Variants in PTPN11 observed in about 807,000 individuals in gnomAD.
PTPN11 encodes the protein tyrosine-protein phosphatase non-receptor type 11.
Under a neutral mutation model 78.8 loss-of-function variants are expected in PTPN11, and 6 were observed. The observed-to-expected ratio is 0.08, with a 90% CI of 0.04 to 0.15. The LOEUF is 0.15. Among genes scored for constraint, PTPN11 ranks in the 10% least tolerant of loss-of-function variants. The pLI, the probability that PTPN11 is intolerant of heterozygous loss-of-function variation, is 1.00. For missense variants in PTPN11, 386 were observed against 744.8 expected, an observed-to-expected ratio of 0.52 and a Z score of 5.61; for synonymous variants, 221 against 263.5, an observed-to-expected ratio of 0.84 and a Z score of 1.56.
chr12:112,469,508 TTC>T (rs1374067572), intron 6 of PTPN11, among the ~76,000 whole-genome samples: 1 of 152,172 alleles, frequency 6.6e-6, no homozygotes, highest in Non-Finnish European at 1.5e-5. Flanking sequence ...TAAGGGCAAT[TTC>T]TTTTTTCTTT....
chr12:112,423,604 G>C (rs974795309), intron 1 of PTPN11, among the ~76,000 whole-genome samples: 4 of 151,884 alleles, frequency 2.6e-5, no homozygotes, highest in Admixed American at 2.0e-4. Context: ...AAATGTATTG[G>C]TATAGAATAT....
chr12:112,457,195 A>T, intron 6 of PTPN11: 1 of 380,128 alleles, frequency 2.6e-6, no homozygotes, highest in Non-Finnish European at 5.2e-6. Context: ...GACCACTTGA[A>T]TCCAGGAGTT....
chr12:112,499,816 G>C (rs2038854454), intron 13 of PTPN11, among the ~76,000 whole-genome samples: 1 of 151,818 alleles, frequency 6.6e-6, no homozygotes, highest in African/African-American at 2.4e-5. Context: ...GCTGAGTGTG[G>C]CATGTTCCTG....
At position 112,443,601 on chromosome 12, in the gene PTPN11, G is replaced by A. The variant is rs1338812107; in HGVS notation, c.15-2675G>A. ...GAACTCCTGACCTCATGATCCGCCC[G>A]CCTTGGCCTCCCAAACTGTTGGGAT... On this transcript the variant is annotated intron_variant, in intron 1 of 15. Coordinates refer to ENST00000351677, the MANE Select transcript of PTPN11 (RefSeq NM_002834.5). Among the ~76,000 whole-genome samples the A allele has an allele frequency of 4.6e-5, 7 of 151,396 alleles. No individual in the cohort carries two copies. In the East Asian group the frequency reaches 1.2e-3, roughly 25 times the overall value.
chr12:112,474,906 C>T (rs1313500772), intron 7 of PTPN11, among the ~76,000 whole-genome samples: 2 of 152,036 alleles, frequency 1.3e-5, no homozygotes, highest in Non-Finnish European at 2.9e-5. Context: ...GTTGGGATTA[C>T]AGGTGTGAAC....
At chr12:112,441,409 A>G (rs2037888332) in intron 1 of PTPN11, among the ~76,000 whole-genome samples, 1 of 151,778 alleles carries the variant, frequency 6.6e-6, no homozygotes, top group African/African-American at 2.4e-5. Flanking sequence ...CTACAGGCAT[A>G]TGCCACCACA....
chr12:112,491,116 G>A (rs956610831), intron 13 of PTPN11, among the ~76,000 whole-genome samples: 1 of 152,150 alleles, frequency 6.6e-6, no homozygotes. Context: ...AGAAGAAACA[G>A]CACAAGGAAG....
chr12:112,441,119 C>G (rs557034693), intron 1 of PTPN11, among the ~76,000 whole-genome samples: 1 of 152,034 alleles, frequency 6.6e-6, no homozygotes, highest in South Asian at 2.1e-4. Flanking sequence ...CATGCGCCAC[C>G]ATGCCCGGCT....
chr12:112,491,496 A>T (rs780204338), intron 13 of PTPN11, among the ~76,000 whole-genome samples: 3 of 152,218 alleles, frequency 2.0e-5, no homozygotes, highest in Non-Finnish European at 4.4e-5. Flanking sequence ...TGAATAATCT[A>T]AGCCTACACA....
At chr12:112,471,672 A>C (rs1392852947) in intron 6 of PTPN11, among the ~76,000 whole-genome samples, 1 of 148,442 alleles carries the variant, frequency 6.7e-6, no homozygotes, top group Non-Finnish European at 1.5e-5. Flanking sequence ...ACACAGTGGG[A>C]AAAAAAAAAC....
chr12:112,483,345 T>C (rs570806454), intron 10 of PTPN11, among the ~76,000 whole-genome samples: 1 of 152,252 alleles, frequency 6.6e-6, no homozygotes, highest in South Asian at 2.1e-4. Flanking sequence ...TGTGCCACCA[T>C]GCCCACCCAA....
chr12:112,498,788 C>T (rs1302934880), intron 13 of PTPN11, among the ~76,000 whole-genome samples: 2 of 152,228 alleles, frequency 1.3e-5, no homozygotes, highest in Non-Finnish European at 2.9e-5. Context: ...GAGCATTTCT[C>T]TTGATCTATA....
In PTPN11 at chr12:112,492,718, C is replaced by T. The variant is rs370185349; in HGVS notation, c.1599+3543C>T. 3.1e-4 allele frequency among the ~76,000 whole-genome samples: 47 copies of T among 152,034 alleles called. No individual in the cohort carries two copies. The East Asian group carries it at 3.5e-3, about 11-fold the overall frequency. ...ATTTTTAGTAGAGACGGGGTCTCAC[C>T]GTGTTAGCCAGGATGGTCTTGATCT... On this transcript the variant is annotated intron_variant, in intron 13 of 15. Coordinates refer to ENST00000351677, the MANE Select transcript of PTPN11 (RefSeq NM_002834.5).
chr12:112,501,957 A>G (rs1414995074), intron 13 of PTPN11, among the ~76,000 whole-genome samples, 187 bp from the exon 14 acceptor site: 1 of 152,222 alleles, frequency 6.6e-6, no homozygotes, highest in African/African-American at 2.4e-5. Flanking sequence ...TTTCACTCCT[A>G]CTGTGTATTT....
intron 6 of PTPN11, among the ~76,000 whole-genome samples, chr12:112,462,096 G>A (rs762344158): frequency 2.0e-5 from 3 of 152,126 alleles, no homozygotes; most frequent in South Asian, 2.1e-4. Context: ...AGTGGCTCAC[G>A]CCTATAATCC....
intron 13 of PTPN11, among the ~76,000 whole-genome samples, chr12:112,490,661 A>G (rs2038734758): frequency 1.3e-5 from 2 of 152,130 alleles, no homozygotes; most frequent in Non-Finnish European, 2.9e-5. Flanking sequence ...TGCCCAGGCT[A>G]GTCTTGAACT....
At position 112,427,677 on chromosome 12, in the gene PTPN11, G is replaced by A. The variant is rs567352959; in HGVS notation, c.14+8552G>A. 5.9e-5 allele frequency among the ~76,000 whole-genome samples: 9 copies of A among 152,072 alleles called. No homozygotes were observed. In the South Asian group the frequency reaches 1.7e-3, roughly 28 times the overall value. On this transcript the variant is annotated intron_variant, in intron 1 of 15. Coordinates refer to ENST00000351677, the MANE Select transcript of PTPN11 (RefSeq NM_002834.5). ...TTGCAGGTGTTAGAATGAGCAAGATGAGGAGAAGGATGCTTACTTCCCTCT... is the reference window on the plus strand; with the variant it reads ...TTGCAGGTGTTAGAATGAGCAAGATAAGGAGAAGGATGCTTACTTCCCTCT...
intron 11 of PTPN11, among the ~76,000 whole-genome samples, chr12:112,487,399 G>A (rs2038693953): frequency 6.6e-6 from 1 of 152,120 alleles, no homozygotes; most frequent in Admixed American, 6.5e-5. Flanking sequence ...CTTCCAAAGT[G>A]CTGGGATTAC....
At chr12:112,443,653 CTT>C (rs150851094) in intron 1 of PTPN11, among the ~76,000 whole-genome samples, 63 of 131,598 alleles carry the variant, frequency 4.8e-4, no homozygotes, top group Admixed American at 6.9e-4. Flanking sequence ...TGTGCCCGGT[CTT>C]TTTTTTTTTT....
Sources: allele counts gnomAD v4.1 joint callset (sites outside exome capture counted in the v4.1 genomes callset), GRCh38; gene constraint gnomAD v4.1.1; transcripts MANE v1.5; gene names NCBI Gene and HGNC (gene_info 2026-07-23, HGNC 2026-07-21).